Variants in CNOT10 observed in about 807,000 individuals in gnomAD.
CNOT10 encodes CCR4-NOT transcription complex subunit 10, also known as CCR4-NOT transcription complex, subunit 10.
In CNOT10, 30 loss-of-function variants were observed where a neutral mutation model predicts 94.6. That is an observed-to-expected ratio of 0.32 (90% confidence interval 0.24 to 0.43). CNOT10 has a LOEUF of 0.43. Among genes scored for constraint, CNOT10 ranks in the 20% least tolerant of loss-of-function variants. The probability of loss-of-function intolerance (pLI) is 1.00; values close to 1 mark genes in which losing one functional copy is unlikely to be tolerated. For synonymous variants in CNOT10, 289 were observed against 301.6 expected (o/e 0.96, Z 0.43); for missense variants, 759 against 877.2 (o/e 0.87, Z 1.70).
At chr3:32,744,012 G>A (rs1370448490) in intron 13 of CNOT10, among the ~76,000 whole-genome samples, 1 of 152,096 alleles carries the variant, frequency 6.6e-6, no homozygotes, top group East Asian at 1.9e-4. Flanking sequence ...GGAGCCTTAG[G>A]GTAGATTTAT....
intron 13 of CNOT10, among the ~76,000 whole-genome samples, chr3:32,750,497 CAA>C (rs537844170): frequency 6.7e-6 from 1 of 150,158 alleles, no homozygotes; most frequent in Non-Finnish European, 1.5e-5. Flanking sequence ...ATCTCAAAAA[CAA>C]AAAAGAGTAA....
At chr3:32,756,872 G>A (rs1575298955) in intron 13 of CNOT10, among the ~76,000 whole-genome samples, 1 of 152,136 alleles carries the variant, frequency 6.6e-6, no homozygotes, top group East Asian at 1.9e-4. Context: ...ACTTTGGGAG[G>A]CCGAGGCGGG....
At chr3:32,736,154 C>T (rs371912077) in intron 12 of CNOT10, among the ~76,000 whole-genome samples, 1 of 152,058 alleles carries the variant, frequency 6.6e-6, no homozygotes, top group Non-Finnish European at 1.5e-5. Context: ...GGCACGATCT[C>T]AACTCACTGC....
At chr3:32,749,893 TGAAG>T (rs1699883472) in intron 13 of CNOT10, among the ~76,000 whole-genome samples, 2 of 151,648 alleles carry the variant, frequency 1.3e-5, no homozygotes, top group South Asian at 2.1e-4. Flanking sequence ...GGAAATAAAA[TGAAG>T]GAAGGAAGGA....
chr3:32,735,095 C>A, intron 12 of CNOT10, 119 bp downstream of exon 12: 2 of 848,346 alleles, frequency 2.4e-6, no homozygotes, highest in Non-Finnish European at 3.6e-6. Context: ...TTCTGTTTTG[C>A]GTAACAAGAA....
chr3:32,723,844 G>A (rs1698530639), intron 8 of CNOT10, among the ~76,000 whole-genome samples: 1 of 152,152 alleles, frequency 6.6e-6, no homozygotes, highest in Admixed American at 6.6e-5. Context: ...ACTTTGGGAG[G>A]TCGAGGCAGG....
At position 32,704,818 on chromosome 3, in the gene CNOT10, A is replaced by G; in HGVS notation, c.125A>G (p.Asn42Ser). Residue 42 changes from asparagine (N) to serine (S), a missense_variant, in exon 3 of 19, where the codon AAT (asparagine) becomes AGT (serine). Transcript: ENST00000328834. ...TNAFQAFTSG[N>S]YDACLQHLAC... The stretch of plus-strand genomic sequence containing the variant: ...GTGGTTTTTTTTTTTTAGTCTGGAA[A>G]TTATGATGCCTGTCTACAACACCTT... The G allele has an allele frequency of 6.4e-7, 1 of 1,561,990 alleles. No homozygotes were observed. The highest frequency in any genetic ancestry group is 8.6e-7 in the Non-Finnish European group (1 of 1,164,686).
intron 18 of CNOT10, among the ~76,000 whole-genome samples, chr3:32,771,021 C>A (rs1487677619): frequency 6.6e-6 from 1 of 151,818 alleles, no homozygotes; most frequent in Non-Finnish European, 1.5e-5. Context: ...CCATCAAATT[C>A]TTCTACATAA....
At position 32,733,408 on chromosome 3, in the gene CNOT10, A is replaced by G. The variant is rs762175270; in HGVS notation, c.1216-15A>G. ...AATTCCCTTAAATTTATTGGAAATT[A>G]TTTGTATTTTGTAGACTTCTGAACA... On this transcript the variant is annotated splice_polypyrimidine_tract_variant and intron_variant, in intron 10 of 18. Transcript: ENST00000328834. 3 of 1,543,672 alleles carry G rather than the reference A, an allele frequency of 1.9e-6. No individual in the cohort carries two copies. The highest frequency in any genetic ancestry group is 2.6e-6 in the Non-Finnish European group (3 of 1,138,096).
At chr3:32,709,789 A>G (rs1697788970) in intron 4 of CNOT10, among the ~76,000 whole-genome samples, 1 of 152,184 alleles carries the variant, frequency 6.6e-6, no homozygotes, top group African/African-American at 2.4e-5. Context: ...TTTTCTGTAA[A>G]GTTACTGTTA....
At chr3:32,711,425 T>C (rs895761250) in intron 4 of CNOT10, among the ~76,000 whole-genome samples, 2 of 152,212 alleles carry the variant, frequency 1.3e-5, no homozygotes, top group Admixed American at 1.3e-4. Context: ...AAAACGTCTG[T>C]ACATATTCAG....
intron 1 of CNOT10, among the ~76,000 whole-genome samples, chr3:32,701,093 G>C (rs1479933952): frequency 6.6e-6 from 1 of 152,006 alleles, no homozygotes; most frequent in Non-Finnish European, 1.5e-5. Context: ...TGACCAACAT[G>C]GCAAAACCCC....
chr3:32,697,852 T>A (rs1286174607), intron 1 of CNOT10, among the ~76,000 whole-genome samples: 1 of 152,252 alleles, frequency 6.6e-6, no homozygotes, highest in Non-Finnish European at 1.5e-5. Context: ...TAAATTATGC[T>A]TCTTTATGAG....
At chr3:32,689,057 T>G (rs1198291179) in intron 1 of CNOT10, among the ~76,000 whole-genome samples, 1 of 151,560 alleles carries the variant, frequency 6.6e-6, no homozygotes, top group Non-Finnish European at 1.5e-5. Flanking sequence ...ACAAAAAAAT[T>G]AGCAGGGCCT....
Position 32,729,759 on chromosome 3 carries a change from TC to T in CNOT10, c.1215+1890del, listed in dbSNP as rs1239900952. ...AACAGTTCTAGGCAGAATTTATACT[TC>T]TTTTTTTTTTTTTTTTTTTTTTTTT... On this transcript the variant is annotated intron_variant, in intron 10 of 18. Transcript: ENST00000328834. Among the ~76,000 whole-genome samples, 131 of 124,556 alleles carry T rather than the reference TC, an allele frequency of 1.1e-3. 1 individual carries two copies. The highest frequency in any genetic ancestry group is 3.2e-3 in the African/African-American group (112 of 35,544). 81.7% of individuals were successfully genotyped at this position (124,556 alleles called of 152,430 possible). A position where few individuals can be genotyped will look rare whatever the true frequency, so the allele number is the denominator to read the frequency against.
At chr3:32,692,446 G>A (rs1475556763) in intron 1 of CNOT10, among the ~76,000 whole-genome samples, 1 of 152,130 alleles carries the variant, frequency 6.6e-6, no homozygotes, top group African/African-American at 2.4e-5. Flanking sequence ...GGCTTGATTA[G>A]ATATAGGTTC....
At chr3:32,733,318 AAG>A (rs1699039268) in intron 10 of CNOT10, 103 bp from the exon 11 acceptor site, 1 of 900,714 alleles carries the variant, frequency 1.1e-6, no homozygotes, top group African/African-American at 1.7e-5. Flanking sequence ...CATTGACTTT[AAG>A]AACTTTCTTA....
chr3:32,723,792 A>T (rs1698528838), intron 8 of CNOT10, among the ~76,000 whole-genome samples: 1 of 152,182 alleles, frequency 6.6e-6, no homozygotes, highest in South Asian at 2.1e-4. Flanking sequence ...CAAATAAAGC[A>T]ATAGATCAGC....
intron 13 of CNOT10, among the ~76,000 whole-genome samples, chr3:32,743,950 T>A (rs1297989408): frequency 1.3e-5 from 2 of 151,992 alleles, no homozygotes; most frequent in African/African-American, 2.4e-5. Context: ...ATATATATAT[T>A]TTTTTCTTCT....
Sources: gnomAD v4.1 joint callset for allele counts (sites outside exome capture counted in the v4.1 genomes callset) on GRCh38, gnomAD v4.1.1 for gene constraint, MANE v1.5 for transcripts, NCBI Gene and HGNC (gene_info 2026-07-23, HGNC 2026-07-21) for gene names.